Variants in HMGA2 observed in about 807,000 individuals in gnomAD.
HMGA2 encodes the protein high mobility group AT-hook 2.
A neutral mutation model predicts 19.1 loss-of-function variants in HMGA2; 8 were observed. The ratio of observed to expected loss-of-function variants is 0.42; its 90% CI spans 0.25 to 0.76. The LOEUF is 0.76. HMGA2 is among the 30% of genes least tolerant of loss of function. HMGA2 has a pLI of 0.28. For missense variants in HMGA2, 109 were observed against 136.3 expected (o/e 0.80, Z 1.00); for synonymous variants, 60 against 48.8 (o/e 1.23, Z -0.96).
intron 3 of HMGA2, among the ~76,000 whole-genome samples, chr12:65,946,222 A>C (rs1876259218): frequency 1.3e-5 from 2 of 152,188 alleles, no homozygotes; most frequent in African/African-American, 4.8e-5. Context: ...ATCTACATGA[A>C]AAAAGATTAT....
At chr12:65,868,323 T>C (rs919695630) in intron 3 of HMGA2, among the ~76,000 whole-genome samples, 17 of 152,162 alleles carry the variant, frequency 1.1e-4, no homozygotes, top group African/African-American at 2.7e-4. Flanking sequence ...ATTTTTTTTT[T>C]CCCAAAATGC....
Position 65,966,128 on chromosome 12 carries a change from T to C in HMGA2, c.*2836T>C, listed in dbSNP as rs546455873. ...GTTCTTTATGTAGAATTGCTGTCTA[T>C]GATTGTACTTTGAATCGCTTGCTTG... On this transcript the variant is annotated 3_prime_UTR_variant, in exon 5 of 5. Coordinates refer to ENST00000403681, the MANE Select transcript of HMGA2 (RefSeq NM_003483.6). The C allele has an allele frequency of 1.4e-4, 29 of 211,694 alleles. No individual in the cohort carries two copies. The highest frequency in any genetic ancestry group is 6.6e-4 in the African/African-American group (29 of 44,218). The allele number at this position is 211,694 out of a possible 1,614,324, so 13.1% of individuals were successfully genotyped here. A position where few individuals can be genotyped will look rare whatever the true frequency, so the allele number is the denominator to read the frequency against.
At chr12:65,844,465 G>A (rs903398519) in intron 3 of HMGA2, among the ~76,000 whole-genome samples, 3 of 151,988 alleles carry the variant, frequency 2.0e-5, no homozygotes, top group Non-Finnish European at 4.4e-5. Context: ...TATTTTAATA[G>A]TTTACCACAA....
At chr12:65,855,670 C>G (rs1482412669) in intron 3 of HMGA2, among the ~76,000 whole-genome samples, 1 of 151,594 alleles carries the variant, frequency 6.6e-6, no homozygotes, top group Non-Finnish European at 1.5e-5. Context: ...CTCTTAGAAT[C>G]TGAGTGTTTG....
chr12:65,942,293 C>T (rs1876114377), intron 3 of HMGA2, among the ~76,000 whole-genome samples: 1 of 152,104 alleles, frequency 6.6e-6, no homozygotes, highest in South Asian at 2.1e-4. Context: ...ATTCATTTTC[C>T]TGTGCTGGCT....
intron 3 of HMGA2, among the ~76,000 whole-genome samples, chr12:65,839,844 C>G (rs369908721): frequency 6.6e-6 from 1 of 152,186 alleles, no homozygotes; most frequent in Admixed American, 6.5e-5. Context: ...TCTAGGAAAG[C>G]TCTGCACATT....
intron 3 of HMGA2, among the ~76,000 whole-genome samples, chr12:65,903,778 CAG>C (rs1271128662): frequency 3.9e-5 from 6 of 152,168 alleles, no homozygotes; most frequent in Admixed American, 2.0e-4. Flanking sequence ...TTTCTGAACT[CAG>C]AGTTATGCCA....
rs1320090298 is a variant in HMGA2 at position 65,964,781 on chromosome 12, T to C, written c.*1489T>C. On this transcript the variant is annotated 3_prime_UTR_variant, in exon 5 of 5. Coordinates refer to ENST00000403681, the MANE Select transcript of HMGA2 (RefSeq NM_003483.6). ...AAAATACTTGTTTCAGCTTCTCTGC[T>C]AGATTTCTACATTAACTTGAAAATT... 5.1e-6 allele frequency: 1 copy of C among 195,806 alleles called. No homozygotes were observed. The highest frequency in any genetic ancestry group is 6.1e-5 in the Admixed American group (1 of 16,470). The allele number at this position is 195,806 out of a possible 1,614,324, so 12.1% of individuals were successfully genotyped here.
At chr12:65,851,779 C>T in intron 3 of HMGA2, 1 of 298,894 alleles carries the variant, frequency 3.3e-6, no homozygotes, top group South Asian at 2.6e-5. Context: ...TTTTCTAACC[C>T]ACTAATCACG....
chr12:65,942,669 A>G (rs143178015), intron 3 of HMGA2: 33 of 152,242 alleles, frequency 2.2e-4, no homozygotes, highest in South Asian at 8.3e-4. Flanking sequence ...AGACTGCTTT[A>G]TGTTCCTCAG....
At chr12:65,898,338 T>C (rs950657511) in intron 3 of HMGA2, among the ~76,000 whole-genome samples, 5 of 152,196 alleles carry the variant, frequency 3.3e-5, no homozygotes, top group Admixed American at 2.6e-4. Flanking sequence ...TTTGTTATCA[T>C]CTGTTCAGTA....
At chr12:65,880,195 G>A (rs1024803702) in intron 3 of HMGA2, among the ~76,000 whole-genome samples, 1 of 152,128 alleles carries the variant, frequency 6.6e-6, no homozygotes, top group Non-Finnish European at 1.5e-5. Context: ...CATTTTTCAC[G>A]GGGAAAATCC....
intron 2 of HMGA2, among the ~76,000 whole-genome samples, chr12:65,829,670 A>G (rs1356391923): frequency 6.6e-6 from 1 of 152,072 alleles, no homozygotes; most frequent in African/African-American, 2.4e-5. Flanking sequence ...TTTGAAATTT[A>G]ATACTAAAAA....
intron 3 of HMGA2, among the ~76,000 whole-genome samples, chr12:65,946,322 A>C: frequency 6.6e-6 from 1 of 152,156 alleles, no homozygotes; most frequent in East Asian, 1.9e-4. Flanking sequence ...GGGCAAAATC[A>C]CCTACTACTG....
rs566860666 is a variant in HMGA2 at position 65,885,561 on chromosome 12, A to T, written c.249+46992A>T. ...GTCTCATTTGCTTATTTTCTTGTGC[A>T]CTAGCAGCCCTGGTGATAGCATCTG... On this transcript the variant is annotated intron_variant, in intron 3 of 4. Transcript: ENST00000403681. Among the ~76,000 whole-genome samples the T allele has an allele frequency of 8.9e-4, 136 of 152,276 alleles. 2 individuals are homozygous for T. In the Middle Eastern group the frequency reaches 0.041, roughly 46 times the overall value.
At chr12:65,872,804 C>A (rs1872775748) in intron 3 of HMGA2, among the ~76,000 whole-genome samples, 2 of 152,164 alleles carry the variant, frequency 1.3e-5, no homozygotes, top group Admixed American at 6.5e-5. Flanking sequence ...CACTCTCCTG[C>A]CAAACATTTT....
At chr12:65,890,234 T>G (rs773224072) in intron 3 of HMGA2, among the ~76,000 whole-genome samples, 20 of 152,294 alleles carry the variant, frequency 1.3e-4, no homozygotes, top group Non-Finnish European at 2.5e-4. Flanking sequence ...AAACATTGTG[T>G]TATCCTCATA....
intron 3 of HMGA2, among the ~76,000 whole-genome samples, chr12:65,931,631 A>G (rs1385477531): frequency 6.6e-6 from 1 of 151,730 alleles, no homozygotes; most frequent in Non-Finnish European, 1.5e-5. Context: ...CCAAATGTAC[A>G]CGGTATTTTT....
At chr12:65,828,674 C>G (rs1172462376) in intron 2 of HMGA2, 1 of 161,804 alleles carries the variant, frequency 6.2e-6, no homozygotes, top group East Asian at 1.8e-4. Context: ...TACAATAAAC[C>G]TGCAGTATAG....
Sources: allele counts gnomAD v4.1 joint callset (sites outside exome capture counted in the v4.1 genomes callset), GRCh38; gene constraint gnomAD v4.1.1; transcripts MANE v1.5; gene names NCBI Gene and HGNC (gene_info 2026-07-23, HGNC 2026-07-21).